The following RBMS3 variants were observed in gnomAD, a reference collection of about 807,000 sequenced individuals.
The protein encoded by RBMS3 is RNA binding motif single stranded interacting protein 3.
In RBMS3, 27 loss-of-function variants were observed where a neutral mutation model predicts 66.8. The observed-to-expected ratio is 0.40, with a 90% CI of 0.30 to 0.56. The LOEUF (loss-of-function observed/expected upper bound fraction) is 0.56. Ranked by LOEUF, RBMS3 falls within the 20% of genes least tolerant of loss-of-function variation. The probability of loss-of-function intolerance (pLI) is 0.40; values close to 1 mark genes in which losing one functional copy is unlikely to be tolerated. For synonymous variants in RBMS3, 188 were observed against 183.0 expected (o/e 1.03, Z -0.22); for missense variants, 513 against 549.5 (o/e 0.93, Z 0.66).
At chr3:29,332,417 C>T (rs2035718552) in intron 1 of RBMS3, among the ~76,000 whole-genome samples, 1 of 152,062 alleles carries the variant, frequency 6.6e-6, no homozygotes, top group Admixed American at 6.6e-5. Flanking sequence ...GTGTCATCCT[C>T]AAATATGTTA....
intron 1 of RBMS3, among the ~76,000 whole-genome samples, chr3:29,433,658 G>A (rs1212434955): frequency 2.6e-5 from 4 of 152,120 alleles, no homozygotes; most frequent in African/African-American, 4.8e-5. Context: ...TAGCCAGTAA[G>A]AGGCACAGCA....
rs150063901 is a variant in RBMS3 at position 29,348,066 on chromosome 3, C to G, written c.75+66310C>G. 4.0e-5 allele frequency among the ~76,000 whole-genome samples: 6 copies of G among 151,500 alleles called. No individual in the cohort carries two copies. The East Asian group carries it at 1.2e-3, about 30-fold the overall frequency. On this transcript the variant is annotated intron_variant, in intron 1 of 14. Coordinates refer to ENST00000383767, the MANE Select transcript of RBMS3 (RefSeq NM_001003793.3). ...GAAATTTATTTTTTTCCATCGTTTT[C>G]CTCTTGTTTCAAGTCTCTTCACTGC...
chr3:29,429,802 G>T (rs1204453548), intron 1 of RBMS3, among the ~76,000 whole-genome samples: 1 of 152,114 alleles, frequency 6.6e-6, no homozygotes, highest in Non-Finnish European at 1.5e-5. Context: ...GCTCCAAAAT[G>T]ATTTAAAAGC....
chr3:29,587,901 A>C (rs1457748090), intron 4 of RBMS3, among the ~76,000 whole-genome samples: 1 of 152,064 alleles, frequency 6.6e-6, no homozygotes, highest in African/African-American at 2.4e-5. Flanking sequence ...TTATCTAAGA[A>C]AATAAGTTAA....
intron 1 of RBMS3, among the ~76,000 whole-genome samples, chr3:29,286,508 TA>T (rs2032349661): frequency 6.6e-6 from 1 of 152,152 alleles, no homozygotes; most frequent in Non-Finnish European, 1.5e-5. Context: ...CATGTATATT[TA>T]ACAGCATCTT....
chr3:29,880,933 CCT>C, intron 7 of RBMS3: 1 of 1,127,236 alleles, frequency 8.9e-7, no homozygotes, highest in Non-Finnish European at 1.3e-6. Context: ...CTGGATTTAC[CCT>C]CTGTTTTCCA....
At chr3:29,769,707 A>C (rs1019351248) in intron 6 of RBMS3, among the ~76,000 whole-genome samples, 3 of 151,754 alleles carry the variant, frequency 2.0e-5, no homozygotes, top group African/African-American at 7.3e-5. Context: ...AGCTCTGTAC[A>C]TTCTCACTAA....
chr3:29,701,014 A>T (rs1052378455), intron 4 of RBMS3, among the ~76,000 whole-genome samples: 59 of 152,198 alleles, frequency 3.9e-4, no homozygotes, highest in African/African-American at 1.3e-3. Context: ...TTCTGAGAAC[A>T]ATGAAGAACT....
At chr3:29,294,956 A>G (rs552847630) in intron 1 of RBMS3, among the ~76,000 whole-genome samples, 67 of 151,782 alleles carry the variant, frequency 4.4e-4, no homozygotes, top group African/African-American at 1.5e-3. Context: ...ATCAGGTAAA[A>G]ATGACAAAAT....
chr3:29,459,946 C>T (rs1289868892), intron 2 of RBMS3, among the ~76,000 whole-genome samples: 1 of 152,194 alleles, frequency 6.6e-6, no homozygotes, highest in Non-Finnish European at 1.5e-5. Flanking sequence ...GCCAAATGGT[C>T]CACTAGCTTG....
chr3:29,407,497 G>A (rs1223870545), intron 1 of RBMS3, among the ~76,000 whole-genome samples: 4 of 152,088 alleles, frequency 2.6e-5, no homozygotes, highest in Non-Finnish European at 5.9e-5. Flanking sequence ...CTTAGTCAAG[G>A]CAGCTACATT....
At chr3:29,944,741 A>G (rs1363814713) in intron 12 of RBMS3, among the ~76,000 whole-genome samples, 1 of 151,766 alleles carries the variant, frequency 6.6e-6, no homozygotes, top group Non-Finnish European at 1.5e-5. Flanking sequence ...TAGGTACTCA[A>G]TATAATTGTT....
rs1575658303 is a variant in RBMS3, at chr3:29,378,121, C to G, written c.76-56622C>G. Among the ~76,000 whole-genome samples, 5 of 152,240 alleles carry G rather than the reference C, an allele frequency of 3.3e-5. No homozygotes were observed. In the South Asian group the frequency reaches 1.0e-3, roughly 32 times the overall value. On this transcript the variant is annotated intron_variant, in intron 1 of 14. Coordinates refer to ENST00000383767, the MANE Select transcript of RBMS3 (RefSeq NM_001003793.3). ...CTCTAACTAGCTTAGAGATCTTGGA[C>G]AAGTCCTTTAACAGTTCTCTGTCAG...
chr3:29,751,286 A>G (rs1426506689), intron 5 of RBMS3, among the ~76,000 whole-genome samples: 1 of 152,230 alleles, frequency 6.6e-6, no homozygotes, highest in African/African-American at 2.4e-5. Flanking sequence ...TTAATAAAAC[A>G]TTATGACCAA....
At chr3:29,768,608 G>A (rs576861291) in intron 6 of RBMS3, among the ~76,000 whole-genome samples, 10 of 151,834 alleles carry the variant, frequency 6.6e-5, no homozygotes, top group Admixed American at 3.9e-4. Flanking sequence ...TCCACCTCAG[G>A]ACAAAATTTA....
At chr3:29,368,141 A>T (rs569001211) in intron 1 of RBMS3, among the ~76,000 whole-genome samples, 2 of 152,196 alleles carry the variant, frequency 1.3e-5, no homozygotes, top group Non-Finnish European at 2.9e-5. Flanking sequence ...CCATCAATTT[A>T]GTTGACTTTC....
chr3:29,961,810 T>C (rs1028299566), intron 12 of RBMS3, among the ~76,000 whole-genome samples: 1 of 151,356 alleles, frequency 6.6e-6, no homozygotes, highest in Non-Finnish European at 1.5e-5. Flanking sequence ...CCACAACATG[T>C]GAGGATTATG....
At chr3:29,541,774 A>G (rs9812490) in intron 3 of RBMS3, among the ~76,000 whole-genome samples, 6 of 150,716 alleles carry the variant, frequency 4.0e-5, no homozygotes, top group African/African-American at 1.5e-4. Flanking sequence ...TCTGTCCCCC[A>G]CCTCCTCTGC....
intron 1 of RBMS3, among the ~76,000 whole-genome samples, chr3:29,335,907 G>A (rs191719894): frequency 2.3e-4 from 35 of 150,554 alleles, no homozygotes; most frequent in Admixed American, 6.6e-4. Context: ...ATTCTGTTTT[G>A]TTTTTGAGGG....
Sources: gnomAD v4.1 joint callset for allele counts (sites outside exome capture counted in the v4.1 genomes callset) on GRCh38, gnomAD v4.1.1 for gene constraint, MANE v1.5 for transcripts, NCBI Gene and HGNC (gene_info 2026-07-23, HGNC 2026-07-21) for gene names.